Variants in BCAR1 observed in about 807,000 individuals in gnomAD.
BCAR1 encodes breast cancer anti-estrogen resistance protein 1.
In BCAR1, 30 loss-of-function variants were observed where a neutral mutation model predicts 67.6. That is an observed-to-expected ratio of 0.44 (90% CI 0.33 to 0.60). The LOEUF (loss-of-function observed/expected upper bound fraction) is 0.60, where lower values mean the gene tolerates loss of function less well. Among genes scored for constraint, BCAR1 ranks in the 20% least tolerant of loss-of-function variants. The pLI is 0.02. For missense variants in BCAR1, 1,313 were observed against 1,222.3 expected (o/e 1.07, Z -1.11); for synonymous variants, 626 against 556.7 (o/e 1.12, Z -1.75).
chr16:75,236,740 A>G (rs1358148952), intron 4 of BCAR1, 142 bp downstream of exon 4: 2 of 1,358,066 alleles, frequency 1.5e-6, no homozygotes, highest in African/African-American at 3.0e-5. Context: ...TCATCTGTCA[A>G]CCATCCAGAA....
intron 1 of BCAR1, chr16:75,248,275 T>A (rs1176192097): frequency 9.0e-6 from 13 of 1,443,832 alleles, no homozygotes; most frequent in Middle Eastern, 5.1e-4. Flanking sequence ...AACGCACACA[T>A]GCACCCGCCC....
chr16:75,255,670 G>A (rs1266425676), upstream of BCAR1, among the ~76,000 whole-genome samples: 4 of 150,288 alleles, frequency 2.7e-5, no homozygotes, highest in African/African-American at 7.4e-5. Context: ...CAGCCTGGGC[G>A]ATAGAGCAAG....
At position 75,237,208 on chromosome 16, in the gene BCAR1, AG is replaced by A. The variant is rs1180802573; in HGVS notation, c.769del (p.Leu257CysfsTer56). On this transcript the variant is annotated frameshift_variant, in exon 3 of 7. Transcript: ENST00000162330. LOFTEE classifies it high-confidence loss of function. ...DIYDVPPVRG[L>X]LPSQYGQEVY... Reference sequence around the variant, plus strand: ...CTCCTGGCCATACTGGCTGGGAAGCAGCCCCCGAACCGGGGGCACATCATAG... The same window carrying A: ...CTCCTGGCCATACTGGCTGGGAAGCACCCCCGAACCGGGGGCACATCATAG... 1 of 1,570,682 alleles carries A rather than the reference AG, an allele frequency of 6.4e-7. No individual in the cohort carries two copies.
chr16:75,240,412 C>G (rs951244107), intron 2 of BCAR1, among the ~76,000 whole-genome samples: 2 of 152,172 alleles, frequency 1.3e-5, no homozygotes, highest in Non-Finnish European at 2.9e-5. Flanking sequence ...TGCCCAGGGC[C>G]CGCCCCAGCA....
chr16:75,236,602 T>C (rs1179939417), intron 4 of BCAR1: 16 of 505,236 alleles, frequency 3.2e-5, no homozygotes, highest in Non-Finnish European at 5.3e-5. Context: ...CTCTTGGAAG[T>C]ATCCCAGGTG....
At chr16:75,267,772 C>T in intron 1 of BCAR1, 1 of 859,654 alleles carries the variant, frequency 1.2e-6, no homozygotes, top group East Asian at 2.7e-5. Context: ...GAAAGGAGAG[C>T]CCAAGGGAGG....
chr16:75,258,223 T>C (rs1033960846), intron 1 of BCAR1, among the ~76,000 whole-genome samples: 1 of 152,332 alleles, frequency 6.6e-6, no homozygotes, highest in East Asian at 1.9e-4. Context: ...ACAGCCTGCG[T>C]AGACACCGCT....
At chr16:75,243,827 C>A (rs1178941144) in intron 1 of BCAR1, among the ~76,000 whole-genome samples, 1 of 152,212 alleles carries the variant, frequency 6.6e-6, no homozygotes, top group African/African-American at 2.4e-5. Flanking sequence ...GACACTAGAG[C>A]CCAGGCAGGG....
rs944584886 is a variant in BCAR1 at position 75,265,816 on chromosome 16, G to A, written c.66+2099C>T. 64 of 1,196,740 alleles carry A rather than the reference G, an allele frequency of 5.3e-5. No homozygotes were observed. In the African/African-American group the frequency reaches 9.6e-4, roughly 18 times the overall value. 74.1% of individuals were successfully genotyped at this position (1,196,740 alleles called of 1,614,324 possible). On this transcript the variant is annotated intron_variant, in intron 1 of 6. Coordinates refer to the BCAR1 transcript ENST00000393422. ...GCCGGCCCGGGGTCCCGGGCGGCGC[G>A]GTACTCACAGGCACGGACATCTTGG...
At chr16:75,262,014 C>T (rs1430503408) in intron 1 of BCAR1, among the ~76,000 whole-genome samples, 1 of 152,234 alleles carries the variant, frequency 6.6e-6, no homozygotes, top group Non-Finnish European at 1.5e-5. Context: ...CTTAACATCC[C>T]CATGACACAG....
chr16:75,232,032 C>T (rs145011512), intron 6 of BCAR1, among the ~76,000 whole-genome samples: 1,614 of 151,810 alleles, frequency 0.011, 15 homozygotes, highest in Middle Eastern at 0.02. Flanking sequence ...CAGGCATGTG[C>T]CACCATGCCC....
chr16:75,238,266 C>G, intron 2 of BCAR1: 1 of 1,161,842 alleles, frequency 8.6e-7, no homozygotes, highest in South Asian at 1.6e-5. Context: ...TCAAGGCCTC[C>G]CTGGTGGGAT....
chr16:75,237,578 TG>T, intron 2 of BCAR1: 1 of 509,880 alleles, frequency 2.0e-6, no homozygotes, highest in Non-Finnish European at 3.3e-6. Context: ...TGCCTCGTCC[TG>T]GGCCAGGACA....
At chr16:75,248,192 G>C in intron 1 of BCAR1, 1 of 1,566,808 alleles carries the variant, frequency 6.4e-7, no homozygotes, top group Non-Finnish European at 8.6e-7. Context: ...CCACCGAGGG[G>C]TGACGCCTGG....
chr16:75,265,902 G>A, intron 1 of BCAR1: 1 of 1,123,144 alleles, frequency 8.9e-7, no homozygotes, highest in South Asian at 4.3e-5. Flanking sequence ...GGGTCCGCCC[G>A]CGCCGCTCAG....
chr16:75,248,142 A>G (rs2077575599), intron 1 of BCAR1: 1 of 1,593,422 alleles, frequency 6.3e-7, no homozygotes, highest in South Asian at 1.1e-5. Flanking sequence ...GGCCGACCCC[A>G]GGCTGAGACA....
intron 6 of BCAR1, among the ~76,000 whole-genome samples, chr16:75,231,114 T>C (rs1195197152): frequency 6.6e-6 from 1 of 151,776 alleles, no homozygotes; most frequent in Non-Finnish European, 1.5e-5. Flanking sequence ...TTTTTTTTTT[T>C]TAAATGGAGT....
upstream of BCAR1, among the ~76,000 whole-genome samples, chr16:75,255,021 G>T (rs1249861204): frequency 6.6e-6 from 1 of 152,200 alleles, no homozygotes; most frequent in Non-Finnish European, 1.5e-5. Flanking sequence ...CAGCATTTAT[G>T]ACAGCAAAGC....
chr16:75,255,508 CA>C (rs1253238700), upstream of BCAR1, among the ~76,000 whole-genome samples: 1 of 151,866 alleles, frequency 6.6e-6, no homozygotes, highest in African/African-American at 2.4e-5. Flanking sequence ...CTAGCCTGTC[CA>C]ACATGGCGAA....
Sources: allele counts gnomAD v4.1 joint callset (sites outside exome capture counted in the v4.1 genomes callset), GRCh38; gene constraint gnomAD v4.1.1; transcripts MANE v1.5; gene names NCBI Gene and HGNC (gene_info 2026-07-23, HGNC 2026-07-21).